LRRIQ1: variants seen among roughly 807,000 people sequenced by gnomAD.
LRRIQ1 encodes leucine-rich repeat- and IQ domain-containing protein 1.
LRRIQ1 carries 210 observed loss-of-function variants against 211.9 expected under a neutral mutation model. That is an observed-to-expected ratio of 0.99 (90% CI 0.89 to 1.11). The LOEUF is 1.11. Ranked by LOEUF, LRRIQ1 falls within the 50% of genes most tolerant of loss-of-function variation. The pLI is 0.00. For synonymous variants in LRRIQ1, 699 were observed against 650.1 expected (o/e 1.08, Z -1.14); for missense variants, 2,136 against 1,939.5 (o/e 1.10, Z -1.90).
In LRRIQ1 at chr12:85,229,531, C is replaced by T; in HGVS notation, c.4837C>T (p.Pro1613Ser). The change falls in exon 25 of 27, where the codon CCT (proline) becomes TCT (serine). Residue 1613 changes from proline to serine, a missense_variant. Transcript: ENST00000393217. ...TTCTTTCACAGGTATAGAAGAAGAC[C>T]CTATCCACAAAGATACCACTGCAAA... ...DGYFEGIEED[P>S]IHKDTTANEK... 3 of 1,609,464 alleles carry T rather than the reference C, an allele frequency of 1.9e-6. No individual in the cohort carries two copies. The highest frequency in any genetic ancestry group is 2.5e-6 in the Non-Finnish European group (3 of 1,178,410).
intron 24 of LRRIQ1, among the ~76,000 whole-genome samples, chr12:85,224,249 C>T (rs1457886401): frequency 6.6e-6 from 1 of 152,114 alleles, no homozygotes; most frequent in Non-Finnish European, 1.5e-5. Flanking sequence ...CAGGAAACAA[C>T]ATCCTGGAGA....
chr12:85,043,856 A>C (rs1338483782), intron 3 of LRRIQ1, among the ~76,000 whole-genome samples: 2 of 152,102 alleles, frequency 1.3e-5, no homozygotes, highest in African/African-American at 4.8e-5. Context: ...CCCAACTCCA[A>C]GCTCCTTCTA....
intron 20 of LRRIQ1, 151 bp downstream of exon 20, chr12:85,152,520 T>A: frequency 4.1e-6 from 2 of 487,482 alleles, no homozygotes. Flanking sequence ...CAGATGTAAT[T>A]TTTCATGTAG....
exon 2 of LRRIQ1, chr12:85,263,648 A>G (rs1436324474): frequency 6.6e-6 from 1 of 151,928 alleles, no homozygotes; most frequent in African/African-American, 2.4e-5. Flanking sequence ...CAATTGGATA[A>G]TTGGATATTT....
At position 85,040,617 on chromosome 12, in the gene LRRIQ1, A is replaced by G. The variant is rs758707181; in HGVS notation, c.244+16A>G. On this transcript the variant is annotated intron_variant, in intron 3 of 26. Transcript: ENST00000393217. Reference sequence around the variant, plus strand: ...GATATTTTAAGTAAGTACTATTTTCATCTGTCTGGCAGATAAGCTTTCTGT... The same window carrying G: ...GATATTTTAAGTAAGTACTATTTTCGTCTGTCTGGCAGATAAGCTTTCTGT... 3.4e-6 allele frequency: 5 copies of G among 1,452,914 alleles called. No individual in the cohort carries two copies. Among genetic ancestry groups the G allele is most frequent in the African/African-American group, 2.8e-5 (2 of 70,930 alleles). The allele number at this position is 1,452,914 out of a possible 1,614,324, so 90.0% of individuals were successfully genotyped here.
chr12:85,094,484 G>C (rs1232786650), intron 11 of LRRIQ1, among the ~76,000 whole-genome samples: 3 of 152,090 alleles, frequency 2.0e-5, no homozygotes, highest in East Asian at 3.9e-4. Context: ...ATTTGTTTTT[G>C]TACCAATACC....
rs1447566077 is a variant in LRRIQ1 at position 85,062,173 on chromosome 12, A to C, written c.2392-3089A>C. Among the ~76,000 whole-genome samples the C allele has an allele frequency of 4.0e-5, 6 of 151,844 alleles. No homozygotes were observed. In the East Asian group the frequency reaches 7.7e-4, roughly 20 times the overall value. Reference sequence around the variant, plus strand: ...TTTTATAATTTTAAGTATGGTATACACAAGAATATTCCTATCAAGCTAATG... The same window carrying C: ...TTTTATAATTTTAAGTATGGTATACCCAAGAATATTCCTATCAAGCTAATG... On this transcript the variant is annotated intron_variant, in intron 8 of 26. Transcript: ENST00000393217.
chr12:85,200,691 A>G (rs939108080), intron 24 of LRRIQ1, among the ~76,000 whole-genome samples: 1 of 152,140 alleles, frequency 6.6e-6, no homozygotes. Flanking sequence ...TTCTGCATCT[A>G]TTGAGAATTC....
At chr12:85,069,307 A>C (rs1163215682) in intron 10 of LRRIQ1, among the ~76,000 whole-genome samples, 1 of 152,012 alleles carries the variant, frequency 6.6e-6, no homozygotes, top group Non-Finnish European at 1.5e-5. Flanking sequence ...TCCATGGTGT[A>C]TATGTGCCAC....
rs781016761 is a variant in LRRIQ1, at chr12:85,046,065, G to T, written c.382G>T (p.Asp128Tyr). 29 of 1,611,304 alleles carry T rather than the reference G, an allele frequency of 1.8e-5. No individual in the cohort carries two copies. In the Admixed American group the frequency reaches 4.3e-4, roughly 24 times the overall value. ...EKEEFMRSKT[D>Y]CATPDFVPEP... ...AGAAGAATTTATGAGAAGTAAAACCGATTGTGCCACTCCTGATTTTGTTCC... is the reference window on the plus strand; with the variant it reads ...AGAAGAATTTATGAGAAGTAAAACCTATTGTGCCACTCCTGATTTTGTTCC... The change falls in exon 5 of 27, where the codon GAT (aspartate) becomes TAT (tyrosine). Residue 128 changes from aspartate to tyrosine, a missense_variant. Transcript: ENST00000393217.
At chr12:85,126,542 A>C (rs531224129) in intron 17 of LRRIQ1, among the ~76,000 whole-genome samples, 27 of 152,324 alleles carry the variant, frequency 1.8e-4, no homozygotes, top group African/African-American at 6.3e-4. Flanking sequence ...TTTATATCAA[A>C]ATTTACAAAG....
intron 19 of LRRIQ1, among the ~76,000 whole-genome samples, chr12:85,150,330 G>A (rs1890159118): frequency 6.6e-6 from 1 of 151,504 alleles, no homozygotes. Context: ...AGATATGACT[G>A]GATTTTCCCT....
intron 19 of LRRIQ1, among the ~76,000 whole-genome samples, chr12:85,140,931 G>A (rs1889493422): frequency 6.6e-6 from 1 of 151,118 alleles, no homozygotes; most frequent in Admixed American, 6.6e-5. Context: ...TAGCTATAAT[G>A]CATCATCTTT....
At chr12:85,098,043 G>A (rs191863884) in intron 11 of LRRIQ1, among the ~76,000 whole-genome samples, 47 of 152,188 alleles carry the variant, frequency 3.1e-4, no homozygotes, top group African/African-American at 6.3e-4. Flanking sequence ...GAAAAAAGTC[G>A]TTATATCTCT....
At chr12:85,198,712 C>T (rs944524113) in intron 24 of LRRIQ1, among the ~76,000 whole-genome samples, 3 of 151,920 alleles carry the variant, frequency 2.0e-5, no homozygotes, top group African/African-American at 7.3e-5. Flanking sequence ...GGACTACAGG[C>T]GCCTGCCTCC....
At position 85,244,867 on chromosome 12, in the gene LRRIQ1, GA is replaced by G. The variant is rs5799725; in HGVS notation, c.5105del (p.Asn1702IlefsTer20). On this transcript the variant is annotated frameshift_variant, in exon 27 of 27. Coordinates refer to ENST00000393217, the MANE Select transcript of LRRIQ1 (RefSeq NM_001079910.2). LOFTEE classifies it high-confidence loss of function. ...TGGAAGTGCTTTGTCTGTGAACAGAGAAAAAAAAAATCAGGCACACAGACAC... is the reference window on the plus strand; with the variant it reads ...TGGAAGTGCTTTGTCTGTGAACAGAGAAAAAAAAATCAGGCACACAGACAC... The part of the protein sequence containing the change: ...TNGSALSVNR[E>X]KKNQAHRHSA... 440,115 of 1,564,604 alleles carry G rather than the reference GA, an allele frequency of 0.28. 61,120 individuals carry two copies. Among genetic ancestry groups the G allele is most frequent in the Non-Finnish European group, 0.3 (339,062 of 1,146,050 alleles).
At chr12:85,099,053 G>A (rs992139892) in intron 13 of LRRIQ1, 59 bp downstream of exon 13, 9 of 1,194,116 alleles carry the variant, frequency 7.5e-6, no homozygotes, top group African/African-American at 1.6e-5. Flanking sequence ...AATATGTGAT[G>A]TTCATAAACT....
At chr12:85,202,358 G>A (rs756816686) in intron 24 of LRRIQ1, among the ~76,000 whole-genome samples, 3 of 152,108 alleles carry the variant, frequency 2.0e-5, no homozygotes, top group African/African-American at 4.8e-5. Flanking sequence ...CTGCCTTAAC[G>A]ATCAATCTAA....
intron 26 of LRRIQ1, chr12:85,233,048 G>A: frequency 6.8e-6 from 2 of 293,416 alleles, no homozygotes; most frequent in South Asian, 4.4e-5. Context: ...CTTTTTTCTT[G>A]GATATTTTAG....
Sources: allele counts gnomAD v4.1 joint callset (sites outside exome capture counted in the v4.1 genomes callset), GRCh38; gene constraint gnomAD v4.1.1; transcripts MANE v1.5; gene names NCBI Gene and HGNC (gene_info 2026-07-23, HGNC 2026-07-21).